Variants in UGT2B7 observed in about 807,000 individuals in gnomAD.
The protein encoded by UGT2B7 is UDP-glucuronosyltransferase 2B7.
UGT2B7 carries 51 observed loss-of-function variants against 51.9 expected under a neutral mutation model. The ratio of observed to expected loss-of-function variants is 0.98; its 90% confidence interval spans 0.78 to 1.24. The LOEUF is 1.24. Ranked by LOEUF, UGT2B7 falls within the 50% of genes most tolerant of loss-of-function variation. The probability of loss-of-function intolerance (pLI) is 0.00; values close to 1 mark genes in which losing one functional copy is unlikely to be tolerated. For missense variants in UGT2B7, 727 were observed against 628.4 expected, an observed-to-expected ratio of 1.16 and a Z score of -1.68; for synonymous variants, 225 against 211.6, an observed-to-expected ratio of 1.06 and a Z score of -0.55.
intron 2 of UGT2B7, among the ~76,000 whole-genome samples, chr4:69,100,118 C>T (rs1461368885): frequency 2.6e-5 from 4 of 151,990 alleles, no homozygotes; most frequent in Admixed American, 2.6e-4. Context: ...ACAGCATAAA[C>T]ATACCCTATG....
chr4:69,098,736 T>G (rs1218598526), intron 2 of UGT2B7, 48 bp downstream of exon 2: 55 of 1,597,260 alleles, frequency 3.4e-5, no homozygotes, highest in Non-Finnish European at 4.2e-5. Context: ...GAATTTTCAG[T>G]AGAAATGATT....
intron 1 of UGT2B7, among the ~76,000 whole-genome samples, chr4:69,053,298 A>C (rs1441704390): frequency 6.6e-6 from 1 of 152,238 alleles, no homozygotes; most frequent in Admixed American, 6.5e-5. Context: ...TTTGGTCTAA[A>C]AACTAATACA....
In UGT2B7 at chr4:69,067,142, A is replaced by G. The variant is rs147235633; in HGVS notation, c.-159+15540A>G. The stretch of plus-strand genomic sequence containing the variant: ...ACTATCTTTATCCACAGTGTTCTCT[A>G]TTTGTCCACATGACAATATTGTATT... On this transcript the variant is annotated intron_variant, in intron 1 of 5. Coordinates refer to the UGT2B7 transcript ENST00000502942. 5.2e-3 allele frequency among the ~76,000 whole-genome samples: 794 copies of G among 152,252 alleles called. 11 individuals carry two copies. The highest frequency in any genetic ancestry group is 0.018 in the African/African-American group (764 of 41,552).
At chr4:69,072,983 T>C (rs954816827) in intron 1 of UGT2B7, among the ~76,000 whole-genome samples, 1 of 152,152 alleles carries the variant, frequency 6.6e-6, no homozygotes, top group Non-Finnish European at 1.5e-5. Flanking sequence ...AGTGGGGGAA[T>C]GTAGAGGTTC....
chr4:69,107,015 A>G (rs1458416469), intron 3 of UGT2B7, among the ~76,000 whole-genome samples, 160 bp from the exon 4 acceptor site: 1 of 152,126 alleles, frequency 6.6e-6, no homozygotes, highest in Non-Finnish European at 1.5e-5. Context: ...CTAATTATAA[A>G]AGTTGAGAAA....
chr4:69,083,162 T>C (rs1425800823), intron 1 of UGT2B7, among the ~76,000 whole-genome samples: 5 of 152,112 alleles, frequency 3.3e-5, no homozygotes, highest in African/African-American at 4.8e-5. Flanking sequence ...AAAATATTAC[T>C]GCTTAATGAA....
At position 69,112,561 on chromosome 4, in the gene UGT2B7, G is replaced by T. The variant is rs1316397583; in HGVS notation, c.1415G>T (p.Gly472Val). 6.2e-7 allele frequency: 1 copy of T among 1,613,752 alleles called. No individual in the cohort carries two copies. Among genetic ancestry groups the T allele is most frequent in the Non-Finnish European group, 8.5e-7 (1 of 1,179,848 alleles). The change falls in exon 6 of 6, where the codon GGA becomes GTA. Residue 472 changes from glycine to valine, a missense_variant. By Grantham distance (109) the Gly-to-Val change is moderately radical. Transcript: ENST00000305231. ...FWIEFVMRHKGAKHLRVAAHD... is the reference protein window; with the variant it reads ...FWIEFVMRHKVAKHLRVAAHD... ...ATTGAATTTGTCATGCGCCACAAAG[G>T]AGCTAAACACCTTCGGGTTGCAGCC...
At chr4:69,082,052 C>T (rs1306664924) in intron 1 of UGT2B7, among the ~76,000 whole-genome samples, 2 of 151,988 alleles carry the variant, frequency 1.3e-5, no homozygotes, top group African/African-American at 4.8e-5. Flanking sequence ...TCCTGGTGAT[C>T]TGTGATTGGT....
intron 1 of UGT2B7, among the ~76,000 whole-genome samples, chr4:69,084,237 A>G (rs142590710): frequency 1.3e-5 from 2 of 151,404 alleles, no homozygotes; most frequent in African/African-American, 4.9e-5. Flanking sequence ...GTTCCTCATC[A>G]TGTATAATCT....
chr4:69,056,718 C>T (rs552869218), intron 1 of UGT2B7, among the ~76,000 whole-genome samples: 14 of 152,288 alleles, frequency 9.2e-5, no homozygotes, highest in Admixed American at 3.3e-4. Context: ...AAAGCTTCAT[C>T]GCTACCTTAG....
intron 1 of UGT2B7, among the ~76,000 whole-genome samples, chr4:69,061,676 G>T (rs61162302): frequency 0.13 from 19,300 of 152,194 alleles, 1,310 homozygotes; most frequent in Middle Eastern, 0.21. Flanking sequence ...CGGTGCTAGA[G>T]ACATGATTAG....
rs776714383 is a variant in UGT2B7, at chr4:69,097,213, G to A, written c.693G>A (p.Lys231=). 1.2e-6 allele frequency: 2 copies of A among 1,612,414 alleles called. No homozygotes were observed. Among genetic ancestry groups the A allele is most frequent in the Admixed American group, 3.4e-5 (2 of 59,674 alleles). Residue 231 remains lysine (K), a synonymous_variant, in exon 1 of 6, where the codon AAG becomes AAA. Coordinates refer to ENST00000305231, the MANE Select transcript of UGT2B7 (RefSeq NM_001074.4). ...GGTTCGAAATATTTGACATGAAGAA[G>A]TGGGATCAGTTTTATAGTGAAGTTC... ...DFWFEIFDMK[K]WDQFYSEVLG...
intron 1 of UGT2B7, among the ~76,000 whole-genome samples, chr4:69,064,084 G>GAAAGAAAGAA (rs1560499715): frequency 9.4e-6 from 1 of 106,502 alleles, no homozygotes; most frequent in Non-Finnish European, 1.8e-5. Flanking sequence ...AAGAAAGAAA[G>GAAAGAAAGAA]AAAGAAAGAA....
chr4:69,088,348 G>GT (rs74726194), intron 1 of UGT2B7, among the ~76,000 whole-genome samples: 86,594 of 151,266 alleles, frequency 0.57, 25,701 homozygotes, highest in East Asian at 0.7. Flanking sequence ...TCTAAAGTGT[G>GT]TTTTTTTCAA....
In UGT2B7 at chr4:69,086,947, T is replaced by C. The variant is rs376430014; in HGVS notation, c.-158-2525T>C. ...ACTCTATGTCTTTTACTTGGATCATTCAATCAATTTCATTTGTAATATTAC... is the reference window on the plus strand; with the variant it reads ...ACTCTATGTCTTTTACTTGGATCATCCAATCAATTTCATTTGTAATATTAC... On this transcript the variant is annotated intron_variant, in intron 1 of 5. Transcript: ENST00000502942. Among the ~76,000 whole-genome samples the C allele has an allele frequency of 9.9e-5, 15 of 152,040 alleles. No individual in the cohort carries two copies. In the East Asian group the frequency reaches 2.7e-3, roughly 27 times the overall value.
chr4:69,084,693 C>A (rs1718911580), intron 1 of UGT2B7, among the ~76,000 whole-genome samples: 1 of 152,130 alleles, frequency 6.6e-6, no homozygotes, highest in African/African-American at 2.4e-5. Context: ...GTTCATCTTG[C>A]ACTTAGCAGT....
intron 5 of UGT2B7, among the ~76,000 whole-genome samples, chr4:69,111,028 G>A (rs149104235): frequency 6.2e-4 from 94 of 152,202 alleles, no homozygotes; most frequent in African/African-American, 2.2e-3. Flanking sequence ...TCTCTTAGAG[G>A]TAACATTAGA....
intron 3 of UGT2B7, among the ~76,000 whole-genome samples, chr4:69,104,719 C>T (rs1719542108): frequency 6.6e-6 from 1 of 152,070 alleles, no homozygotes; most frequent in South Asian, 2.1e-4. Flanking sequence ...AAATTCTGCC[C>T]CTGTCATTTG....
chr4:69,092,642 C>T (rs894046807), upstream of UGT2B7, among the ~76,000 whole-genome samples: 2 of 151,548 alleles, frequency 1.3e-5, no homozygotes, highest in African/African-American at 4.8e-5. Context: ...TTTTCTTTAC[C>T]TTTTGTATCC....
Sources: gnomAD v4.1 joint callset for allele counts (sites outside exome capture counted in the v4.1 genomes callset) on GRCh38, gnomAD v4.1.1 for gene constraint, MANE v1.5 for transcripts, NCBI Gene and HGNC (gene_info 2026-07-23, HGNC 2026-07-21) for gene names.